LIG4: variants seen among roughly 807,000 people sequenced by gnomAD.
The protein encoded by LIG4 is DNA ligase 4.
LIG4 carries 13 observed loss-of-function variants against 19.0 expected under a neutral mutation model. The ratio of observed to expected loss-of-function variants is 0.68; its 90% CI spans 0.44 to 1.09. LIG4 has a LOEUF of 1.09. LIG4 is among the 50% of genes least tolerant of loss of function. The pLI, the probability that LIG4 is intolerant of heterozygous loss-of-function variation, is 0.00. For missense variants in LIG4, 1,026 were observed against 1,089.7 expected (o/e 0.94, Z 0.82); for synonymous variants, 361 against 358.2 (o/e 1.01, Z -0.09).
chr13:108,215,907 A>G (rs36219968), upstream of LIG4, among the ~76,000 whole-genome samples: 4,658 of 152,236 alleles, frequency 0.031, 240 homozygotes, highest in African/African-American at 0.11. Context: ...AGAGAACAGG[A>G]CATCCTCCCA....
Position 108,210,506 on chromosome 13 carries a change from C to G in LIG4, c.763G>C (p.Asp255His). The part of the protein sequence containing the change: ...AFKPMLAAIA[D>H]IEHIEKDMKH... ...ATATCCTTCTCAATGTGCTCAATAT[C>G]TGCAATAGCAGCTAGCATTGGTTTA... The change falls in exon 3 of 3, where the codon GAT (aspartate) becomes CAT (histidine). Residue 255 changes from aspartate to histidine, a missense_variant. Physicochemically the swap from Asp to His is moderately conservative, Grantham distance 81. Coordinates refer to ENST00000442234, the MANE Select transcript of LIG4 (RefSeq NM_206937.2). 6.2e-7 allele frequency: 1 copy of G among 1,612,882 alleles called. No individual in the cohort carries two copies. Among genetic ancestry groups the G allele is most frequent in the South Asian group, 1.1e-5 (1 of 91,072 alleles).
chr13:108,210,319 T>C lies in LIG4; in HGVS notation c.950A>G (p.Asn317Ser), dbSNP rs1878498368. The C allele has an allele frequency of 1.9e-6, 3 of 1,613,800 alleles. No homozygotes were observed. The highest frequency in any genetic ancestry group is 2.5e-6 in the Non-Finnish European group (3 of 1,179,848). The part of the protein sequence containing the change: ...TEGSLTPFIH[N>S]AFKADIQICI... ...GATTTGTATATCTGCTTTGAATGCATTATGAATGAATGGGGTAAGAGAACC... is the reference window on the plus strand; with the variant it reads ...GATTTGTATATCTGCTTTGAATGCACTATGAATGAATGGGGTAAGAGAACC... The change falls in exon 3 of 3, where the codon AAT becomes AGT. Residue 317 changes from asparagine to serine, a missense_variant. Asn to Ser is a conservative substitution (Grantham distance 46). Around this residue, in one of 3 missense-constraint regions of LIG4, gnomAD observed 493 missense variants for 544.5 expected, o/e 0.91. Coordinates refer to ENST00000442234, the MANE Select transcript of LIG4 (RefSeq NM_206937.2).
rs756189875 is a variant in LIG4, at chr13:108,210,972, T to G, written c.297A>C (p.Leu99Phe). ...LAKLYIELLN[L>F]PRDGKDALKL... ...TGAGGGCATCTTTTCCATCTCTAGGTAAATTAAGCAACTCAATATAAAGCT... is the reference window on the plus strand; with the variant it reads ...TGAGGGCATCTTTTCCATCTCTAGGGAAATTAAGCAACTCAATATAAAGCT... Residue 99 changes from leucine to phenylalanine, a missense_variant, in exon 3 of 3, where the codon TTA becomes TTC. Physicochemically the swap from Leu to Phe is conservative, Grantham distance 22. This residue lies in a region of LIG4 where 493 missense variants were observed against 544.5 expected (regional missense o/e 0.91). Coordinates refer to ENST00000442234, the MANE Select transcript of LIG4 (RefSeq NM_206937.2). 4.3e-6 allele frequency: 7 copies of G among 1,612,906 alleles called. No homozygotes were observed. The Admixed American group carries it at 1.2e-4, about 27-fold the overall frequency.
In LIG4 at chr13:108,210,372, A is replaced by C. The variant is rs2138977040; in HGVS notation, c.897T>G (p.Thr299=). 2 of 1,613,938 alleles carry C rather than the reference A, an allele frequency of 1.2e-6. No homozygotes were observed. The highest frequency in any genetic ancestry group is 2.2e-5 in the South Asian group (2 of 91,072). The change falls in exon 3 of 3, where the codon ACT becomes ACG. Residue 299 remains threonine, a synonymous_variant. Coordinates refer to ENST00000442234, the MANE Select transcript of LIG4 (RefSeq NM_206937.2). ...KYFSRNGYNY[T]DQFGASPTEG... ...CAGTAGGAGAAGCACCAAACTGATC[A>C]GTGTAGTTATATCCATTTCGAGAGA... is the stretch of plus-strand genomic sequence containing the variant.
chr13:108,209,341 T>A lies in LIG4; in HGVS notation c.1928A>T (p.His643Leu). Residue 643 changes from histidine to leucine, a missense_variant, in exon 3 of 3, where the codon CAC (histidine) becomes CTC (leucine). By Grantham distance (99) the His-to-Leu change is moderately conservative (BLOSUM62 -3). This residue lies in a region of LIG4 where 521 missense variants were observed against 515.5 expected (regional missense o/e 1.01). Transcript: ENST00000442234. ...GTTAGTAAGGTTAGGTGCTTTTAAGTGCTCAATAATTCCAATAACTTTCTT... is the reference window on the plus strand; with the variant it reads ...GTTAGTAAGGTTAGGTGCTTTTAAGAGCTCAATAATTCCAATAACTTTCTT... ...KMKKVIGIIE[H>L]LKAPNLTNVN... The A allele has an allele frequency of 6.2e-7, 1 of 1,614,118 alleles. No individual in the cohort carries two copies. Among genetic ancestry groups the A allele is most frequent in the Non-Finnish European group, 8.5e-7 (1 of 1,179,954 alleles).
Position 108,209,401 on chromosome 13 carries a change from G to C in LIG4, c.1868C>G (p.Pro623Arg), listed in dbSNP as rs1412566515. Residue 623 changes from proline (P) to arginine (R), a missense_variant, in exon 3 of 3, where the codon CCA becomes CGA. This residue lies in a region of LIG4 where 521 missense variants were observed against 515.5 expected (regional missense o/e 1.01). Transcript: ENST00000442234. ...KHLYIGGDDE[P>R]QEKKRKAAPK... is the part of the protein sequence containing the mutation. ...GGCAGCTTTCCGCTTTTTTTCTTGT[G>C]GTTCATCATCACCACCTATATAAAG... 1.2e-6 allele frequency: 2 copies of C among 1,613,912 alleles called. No homozygotes were observed. Among genetic ancestry groups the C allele is most frequent in the East Asian group, 2.2e-5 (1 of 44,880 alleles).
chr13:108,211,178 C>T lies in LIG4; in HGVS notation c.91G>A (p.Gly31Arg), dbSNP rs759322998. The stretch of plus-strand genomic sequence containing the variant: ...AAGTGTCTGATTTTTTCTGCACGTC[C>T]TTTACTTTTCTGTATTCGTTCTAAA... ...STLERIQKSK[G>R]RAEKIRHFRE... The change falls in exon 3 of 3, where the codon GGA (glycine) becomes AGA (arginine). Residue 31 changes from glycine to arginine, a missense_variant. By Grantham distance (125) the Gly-to-Arg change is moderately radical. Transcript: ENST00000442234. The T allele has an allele frequency of 1.9e-6, 3 of 1,613,464 alleles. No individual in the cohort carries two copies. Among genetic ancestry groups the T allele is most frequent in the Non-Finnish European group, 1.7e-6 (2 of 1,179,884 alleles).
chr13:108,217,263 C>T (rs559078002), upstream of LIG4, among the ~76,000 whole-genome samples: 11 of 152,326 alleles, frequency 7.2e-5, no homozygotes, highest in African/African-American at 2.6e-4. Context: ...CGCCTGTAAT[C>T]CCAGCACTTT....
chr13:108,214,126 G>T (rs1453564872), intron 2 of LIG4, among the ~76,000 whole-genome samples: 1 of 152,132 alleles, frequency 6.6e-6, no homozygotes, highest in African/African-American at 2.4e-5. Context: ...AGTGACTATG[G>T]AAGGTGATTA....
chr13:108,216,050 A>G (rs1879273281), upstream of LIG4, among the ~76,000 whole-genome samples: 1 of 152,192 alleles, frequency 6.6e-6, no homozygotes, highest in Non-Finnish European at 1.5e-5. Context: ...AATACATAAC[A>G]ATACATAACT....
chr13:108,209,586 T>C lies in LIG4; in HGVS notation c.1683A>G (p.Ala561=). Residue 561 remains alanine (A), a synonymous_variant, in exon 3 of 3, where the codon GCA becomes GCG. Coordinates refer to ENST00000442234, the MANE Select transcript of LIG4 (RefSeq NM_206937.2). ...PCNSVIVQIK[A]AEIVPSDMYK... ...ACATATCACTGGGTACGATCTCTGCTGCTTTAATCTGAACAATGACAGAAT... is the reference window on the plus strand; with the variant it reads ...ACATATCACTGGGTACGATCTCTGCCGCTTTAATCTGAACAATGACAGAAT... 1 of 1,614,160 alleles carries C rather than the reference T, an allele frequency of 6.2e-7. No individual in the cohort carries two copies. Among genetic ancestry groups the C allele is most frequent in the Non-Finnish European group, 8.5e-7 (1 of 1,180,016 alleles).
At position 108,209,590 on chromosome 13, in the gene LIG4, T is replaced by C; in HGVS notation, c.1679A>G (p.Lys560Arg). The C allele has an allele frequency of 1.2e-6, 2 of 1,614,142 alleles. No homozygotes were observed. The highest frequency in any genetic ancestry group is 1.7e-6 in the Non-Finnish European group (2 of 1,180,014). ...ATCACTGGGTACGATCTCTGCTGCT[T>C]TAATCTGAACAATGACAGAATTACA... Reference protein sequence around the residue: ...EPCNSVIVQIKAAEIVPSDMY... With the variant: ...EPCNSVIVQIRAAEIVPSDMY... The change falls in exon 3 of 3, where the codon AAA becomes AGA. Residue 560 changes from lysine (K) to arginine (R), a missense_variant. By Grantham distance (26) the Lys-to-Arg change is conservative. Around this residue, in one of 3 missense-constraint regions of LIG4, gnomAD observed 521 missense variants for 515.5 expected, o/e 1.01. Coordinates refer to ENST00000442234, the MANE Select transcript of LIG4 (RefSeq NM_206937.2).
Position 108,210,768 on chromosome 13 carries a change from T to C in LIG4, c.501A>G (p.Ile167Met). The change falls in exon 3 of 3, where the codon ATA (isoleucine) becomes ATG (methionine). Residue 167 changes from isoleucine (I) to methionine (M), a missense_variant. Physicochemically the swap from Ile to Met is conservative, Grantham distance 10. Around this residue, in one of 3 missense-constraint regions of LIG4, gnomAD observed 493 missense variants for 544.5 expected, o/e 0.91. Transcript: ENST00000442234. Reference sequence around the variant, plus strand: ...TTATAAGTTGAAGAAGGCTCTTTTTTATTAGGTCTTTTCTTTTAGCAGAAT... The same window carrying C: ...TTATAAGTTGAAGAAGGCTCTTTTTCATTAGGTCTTTTCTTTTAGCAGAAT... ...SNNSAKRKDL[I>M]KKSLLQLITQ... 6.2e-7 allele frequency: 1 copy of C among 1,614,052 alleles called. No homozygotes were observed. Among genetic ancestry groups the C allele is most frequent in the Non-Finnish European group, 8.5e-7 (1 of 1,179,968 alleles).
rs369138956 is a variant in LIG4 at position 108,209,386 on chromosome 13, C to T, written c.1883G>A (p.Arg628Gln). The change falls in exon 3 of 3, where the codon CGG (arginine) becomes CAG (glutamine). Residue 628 changes from arginine (R) to glutamine (Q), a missense_variant. Physicochemically the swap from Arg to Gln is conservative, Grantham distance 43 (BLOSUM62 1). Transcript: ENST00000442234. The part of the protein sequence containing the change: ...GGDDEPQEKK[R>Q]KAAPKMKKVI... The stretch of plus-strand genomic sequence containing the variant: ...TTTCTTCATCTTTGGGGCAGCTTTC[C>T]GCTTTTTTTCTTGTGGTTCATCATC... 29 of 1,613,942 alleles carry T rather than the reference C, an allele frequency of 1.8e-5. No homozygotes were observed. Among genetic ancestry groups the T allele is most frequent in the East Asian group, 6.7e-5 (3 of 44,892 alleles).
At position 108,209,605 on chromosome 13, in the gene LIG4, A is replaced by C. The variant is rs1226060571; in HGVS notation, c.1664T>G (p.Val555Gly). 1.2e-6 allele frequency: 2 copies of C among 1,614,010 alleles called. No homozygotes were observed. The highest frequency in any genetic ancestry group is 2.7e-5 in the African/African-American group (2 of 74,890). Residue 555 changes from valine (V) to glycine (G), a missense_variant, in exon 3 of 3, where the codon GTC becomes GGC. Coordinates refer to ENST00000442234, the MANE Select transcript of LIG4 (RefSeq NM_206937.2). ...CTCTGCTGCTTTAATCTGAACAATGACAGAATTACAAGGTTCAATGTATAC... is the reference window on the plus strand; with the variant it reads ...CTCTGCTGCTTTAATCTGAACAATGCCAGAATTACAAGGTTCAATGTATAC... ...PEVYIEPCNS[V>G]IVQIKAAEIV...
rs969888230 is a variant in LIG4 at position 108,211,241 on chromosome 13, C to T, written c.28G>A (p.Val10Ile). 6.2e-7 allele frequency: 1 copy of T among 1,612,710 alleles called. No individual in the cohort carries two copies. Among genetic ancestry groups the T allele is most frequent in the Admixed American group, 1.7e-5 (1 of 60,014 alleles). Residue 10 changes from valine (V) to isoleucine (I), a missense_variant, in exon 3 of 3, where the codon GTT becomes ATT. Val to Ile is a conservative substitution (Grantham distance 29). Around this residue, in one of 3 missense-constraint regions of LIG4, gnomAD observed 493 missense variants for 544.5 expected, o/e 0.91. Transcript: ENST00000442234. MAASQTSQTVASHVPFADLC... is the reference protein window; with the variant it reads MAASQTSQTIASHVPFADLC... The stretch of plus-strand genomic sequence containing the variant: ...TCTGCAAAAGGAACGTGAGATGCAA[C>T]AGTTTGTGAAGTTTGTGAGGCAGCC...
chr13:108,216,762 A>T (rs1479903047), upstream of LIG4, among the ~76,000 whole-genome samples: 68 of 152,194 alleles, frequency 4.5e-4, no homozygotes, highest in Non-Finnish European at 1.5e-5. Flanking sequence ...ACCTCTACTG[A>T]GCTCCTACAA....
rs764372392 is a variant in LIG4 at position 108,210,415 on chromosome 13, C to A, written c.854G>T (p.Gly285Val). 3.1e-6 allele frequency: 5 copies of A among 1,613,586 alleles called. No individual in the cohort carries two copies. In the East Asian group the frequency reaches 1.1e-4, roughly 36 times the overall value. The change falls in exon 3 of 3, where the codon GGA becomes GTA. Residue 285 changes from glycine to valine, a missense_variant. Gly to Val is a moderately radical substitution (Grantham distance 109). Coordinates refer to ENST00000442234, the MANE Select transcript of LIG4 (RefSeq NM_206937.2). ...DGERMQMHKD[G>V]DVYKYFSRNG... ...TCGAGAGAAGTATTTATATACATCT[C>A]CATCTTTGTGCATTTGCATACGTTC... is the stretch of plus-strand genomic sequence containing the variant.
Position 108,209,364 on chromosome 13 carries a change from CT to C in LIG4, c.1904del (p.Lys635ArgfsTer10), listed in dbSNP as rs375554612. ...EKKRKAAPKM[K>X]KVIGIIEHLK... ...AGTGCTCAATAATTCCAATAACTTTCTTCATCTTTGGGGCAGCTTTCCGCTT... is the reference window on the plus strand; with the variant it reads ...AGTGCTCAATAATTCCAATAACTTTCTCATCTTTGGGGCAGCTTTCCGCTT... On this transcript the variant is annotated frameshift_variant, in exon 3 of 3. Coordinates refer to ENST00000442234, the MANE Select transcript of LIG4 (RefSeq NM_206937.2). LOFTEE classifies it low-confidence loss of function (END_TRUNC). 5.1e-5 allele frequency: 82 copies of C among 1,614,110 alleles called. No individual in the cohort carries two copies. The African/African-American group carries it at 1.0e-3, about 20-fold the overall frequency.
Sources: allele counts gnomAD v4.1 joint callset (sites outside exome capture counted in the v4.1 genomes callset), GRCh38; gene constraint gnomAD v4.1.1; regional missense constraint gnomAD v4.1.1; transcripts MANE v1.5; gene names NCBI Gene and HGNC (gene_info 2026-07-23, HGNC 2026-07-21).